Variants in LRRC75A observed in about 807,000 individuals in gnomAD.
LRRC75A encodes the protein leucine-rich repeat-containing protein 75A.
In LRRC75A, 12 loss-of-function variants were observed where a neutral mutation model predicts 26.0. That is an observed-to-expected ratio of 0.46 (90% CI 0.30 to 0.75). LRRC75A has a LOEUF of 0.75. Ranked by LOEUF, LRRC75A falls within the 30% of genes least tolerant of loss-of-function variation. The pLI, the probability that LRRC75A is intolerant of heterozygous loss-of-function variation, is 0.08. For missense variants in LRRC75A, 410 were observed against 486.6 expected (o/e 0.84, Z 1.48); for synonymous variants, 223 against 219.3 (o/e 1.02, Z -0.15).
chr17:16,486,208 C>T (rs1457914387), intron 1 of LRRC75A, among the ~76,000 whole-genome samples: 6 of 152,158 alleles, frequency 3.9e-5, no homozygotes, highest in Admixed American at 2.0e-4. Flanking sequence ...CCCACCCTGA[C>T]GGTCCATGGA....
chr17:16,450,027 C>T (rs1012883499), intron 2 of LRRC75A, among the ~76,000 whole-genome samples: 2 of 152,156 alleles, frequency 1.3e-5, no homozygotes, highest in Admixed American at 6.5e-5. Flanking sequence ...GGTGATGTGG[C>T]GGCTGTGGGG....
chr17:16,474,297 G>C (rs939189567), intron 1 of LRRC75A, among the ~76,000 whole-genome samples: 1 of 152,210 alleles, frequency 6.6e-6, no homozygotes, highest in Non-Finnish European at 1.5e-5. Context: ...AGTTGGAGAG[G>C]GCAGCAGAAG....
At chr17:16,473,129 C>CTGTGTGTGTGTG (rs10640541) in intron 1 of LRRC75A, among the ~76,000 whole-genome samples, 1 of 148,960 alleles carries the variant, frequency 6.7e-6, no homozygotes, top group African/African-American at 2.5e-5. Flanking sequence ...TGTAAGTAGT[C>CTGTGTGTGTGTG]TGTGTGTGTG....
rs553332309 is a variant in LRRC75A, at chr17:16,443,584, C to G, written c.*4G>C. ...ACTCCCTGGTGAGGCCCTTCACTTCCATGTCACGTCTGAGCTGCAGCTACA... is the reference window on the plus strand; with the variant it reads ...ACTCCCTGGTGAGGCCCTTCACTTCGATGTCACGTCTGAGCTGCAGCTACA... On this transcript the variant is annotated 3_prime_UTR_variant, in exon 4 of 4. Coordinates refer to ENST00000470794, the MANE Select transcript of LRRC75A (RefSeq NM_001113567.3). 3.9e-5 allele frequency: 59 copies of G among 1,511,082 alleles called. No homozygotes were observed. The highest frequency in any genetic ancestry group is 5.1e-5 in the Non-Finnish European group (57 of 1,120,904). 93.6% of individuals were successfully genotyped at this position (1,511,082 alleles called of 1,614,324 possible). A position where few individuals can be genotyped will look rare whatever the true frequency, so the allele number is the denominator to read the frequency against.
intron 1 of LRRC75A, among the ~76,000 whole-genome samples, chr17:16,489,596 T>G (rs2143458797): frequency 6.6e-6 from 1 of 152,336 alleles, no homozygotes; most frequent in South Asian, 2.1e-4. Flanking sequence ...CAGCTGGACA[T>G]TCCTCCAAAT....
intron 1 of LRRC75A, among the ~76,000 whole-genome samples, chr17:16,485,249 T>A (rs1382572937): frequency 6.6e-6 from 1 of 152,108 alleles, no homozygotes. Context: ...AAAGTTTGCG[T>A]CCCCTCCTCT....
intron 1 of LRRC75A, among the ~76,000 whole-genome samples, chr17:16,471,264 TC>T (rs960191976): frequency 1.2e-4 from 18 of 152,064 alleles, no homozygotes. Flanking sequence ...GAGTGAAATC[TC>T]CCCTGGAATC....
rs2093552006 is a variant in LRRC75A at position 16,443,525 on chromosome 17, C to T, written c.*63G>A. The T allele has an allele frequency of 7.1e-7, 1 of 1,409,426 alleles. No individual in the cohort carries two copies. Among genetic ancestry groups the T allele is most frequent in the Admixed American group, 2.7e-5 (1 of 37,454 alleles). The allele number at this position is 1,409,426 out of a possible 1,614,324, so 87.3% of individuals were successfully genotyped here. On this transcript the variant is annotated 3_prime_UTR_variant, in exon 4 of 4. Transcript: ENST00000470794. ...ACCCACCTGATAGGAGAAGCGCCCT[C>T]CCCTGCCTGCCTTGCCCATTCTACC...
In LRRC75A at chr17:16,491,772, CG is replaced by C; in HGVS notation, c.218del (p.Ala73GlyfsTer19). ...RMVRQGRREE[A>X]GTLLQHLRQD... ...GGCGCAGGTGCTGCAGCAGCGTCCCCGCCTCCTCCCGCCGGCCCTGGCGCAC... is the reference window on the plus strand; with the variant it reads ...GGCGCAGGTGCTGCAGCAGCGTCCCCCCTCCTCCCGCCGGCCCTGGCGCAC... On this transcript the variant is annotated frameshift_variant, in exon 1 of 4. Transcript: ENST00000470794. LOFTEE classifies it high-confidence loss of function. The surrounding 1 kb of genome is among the most constrained non-coding windows in gnomAD (Gnocchi z 5.9). 7.0e-7 allele frequency: 1 copy of C among 1,430,034 alleles called. No homozygotes were observed. The highest frequency in any genetic ancestry group is 9.2e-7 in the Non-Finnish European group (1 of 1,092,448). 88.6% of individuals were successfully genotyped at this position (1,430,034 alleles called of 1,614,324 possible).
chr17:16,463,825 T>G (rs1361331077), intron 1 of LRRC75A: 1 of 152,158 alleles, frequency 6.6e-6, no homozygotes, highest in Non-Finnish European at 1.5e-5. Flanking sequence ...AGGATGGGGG[T>G]GGGGCACGGC....
chr17:16,447,365 C>T (rs769337248), intron 3 of LRRC75A, among the ~76,000 whole-genome samples: 5 of 152,058 alleles, frequency 3.3e-5, no homozygotes, highest in Admixed American at 6.5e-5. Context: ...AGTGCAGTGG[C>T]GCTGTCTCTG....
chr17:16,476,444 T>C (rs1325932724), intron 1 of LRRC75A, among the ~76,000 whole-genome samples: 2 of 152,012 alleles, frequency 1.3e-5, no homozygotes, highest in Non-Finnish European at 2.9e-5. Context: ...ACTCCTGGCA[T>C]CAAGCAATCC....
chr17:16,447,235 C>T (rs2093593843), intron 3 of LRRC75A, among the ~76,000 whole-genome samples: 1 of 152,102 alleles, frequency 6.6e-6, no homozygotes, highest in Non-Finnish European at 1.5e-5. Flanking sequence ...TACCAATCTT[C>T]AAGGGACTCT....
chr17:16,477,073 G>A (rs2093822808), intron 1 of LRRC75A, among the ~76,000 whole-genome samples: 1 of 152,112 alleles, frequency 6.6e-6, no homozygotes, highest in African/African-American at 2.4e-5. Context: ...AGTAGAGACC[G>A]GGGGTTTTAC....
At chr17:16,477,014 A>T (rs1203335632) in intron 1 of LRRC75A, among the ~76,000 whole-genome samples, 4 of 151,322 alleles carry the variant, frequency 2.6e-5, no homozygotes, top group African/African-American at 7.3e-5. Context: ...CTGGGATTAC[A>T]GGCGTGAGCC....
At chr17:16,488,921 C>T (rs571856405) in intron 1 of LRRC75A, among the ~76,000 whole-genome samples, 1 of 152,258 alleles carries the variant, frequency 6.6e-6, no homozygotes, top group Admixed American at 6.5e-5. Context: ...GCCACACATG[C>T]ACCCGGGTCA....
intron 1 of LRRC75A, among the ~76,000 whole-genome samples, chr17:16,486,367 A>G (rs1229775821): frequency 6.6e-6 from 1 of 152,182 alleles, no homozygotes; most frequent in Non-Finnish European, 1.5e-5. Context: ...CGGCCCAGCT[A>G]CAGCCCCTGC....
At chr17:16,477,487 G>C (rs2093823857) in intron 1 of LRRC75A, among the ~76,000 whole-genome samples, 1 of 152,230 alleles carries the variant, frequency 6.6e-6, no homozygotes. Context: ...GGGAGACCAG[G>C]CGGGATAGAG....
intron 2 of LRRC75A, among the ~76,000 whole-genome samples, chr17:16,457,783 T>C (rs1456580573): frequency 3.4e-5 from 5 of 148,072 alleles, no homozygotes; most frequent in Admixed American, 1.4e-4. Context: ...CTTGGCAACA[T>C]AGTGAGTGCC....
Sources: allele counts gnomAD v4.1 joint callset (sites outside exome capture counted in the v4.1 genomes callset), GRCh38; gene constraint gnomAD v4.1.1; non-coding constraint Gnocchi (gnomAD v3.1); transcripts MANE v1.5; gene names NCBI Gene and HGNC (gene_info 2026-07-23, HGNC 2026-07-21).